The following DGKH variants were observed in gnomAD, a reference collection of about 807,000 sequenced individuals.
DGKH encodes the protein DAG kinase eta.
A neutral mutation model predicts 159.3 loss-of-function variants in DGKH; 90 were observed. That is an observed-to-expected ratio of 0.57 (90% CI 0.48 to 0.67). The LOEUF (loss-of-function observed/expected upper bound fraction) is 0.67. DGKH is among the 30% of genes least tolerant of loss of function. DGKH has a pLI of 0.00. For missense variants in DGKH, 1,181 were observed against 1,506.1 expected, an observed-to-expected ratio of 0.78 and a Z score of 3.57; for synonymous variants, 536 against 553.8, an observed-to-expected ratio of 0.97 and a Z score of 0.45.
chr13:42,083,235 A>G (rs1356562843), intron 1 of DGKH, among the ~76,000 whole-genome samples: 1 of 152,204 alleles, frequency 6.6e-6, no homozygotes, highest in Non-Finnish European at 1.5e-5. Context: ...AAACAAAAAC[A>G]CAAAAAAAGA....
intron 5 of DGKH, among the ~76,000 whole-genome samples, chr13:42,158,390 T>TA (rs776615487): frequency 3.3e-5 from 5 of 152,226 alleles, no homozygotes; most frequent in Non-Finnish European, 7.3e-5. Context: ...GCTGACCTAA[T>TA]ATCAGTATCC....
chr13:42,047,989 G>C (rs1269108872), upstream of DGKH, among the ~76,000 whole-genome samples: 1 of 148,808 alleles, frequency 6.7e-6, no homozygotes, highest in Non-Finnish European at 1.5e-5. Flanking sequence ...GAACCTCCCG[G>C]AAAATGCTCT....
At chr13:42,249,732 C>T (rs1186232250) in intron 29 of DGKH, among the ~76,000 whole-genome samples, 1 of 152,186 alleles carries the variant, frequency 6.6e-6, no homozygotes, top group Non-Finnish European at 1.5e-5. Context: ...TTTTTAAAAC[C>T]ACAGAGCTAG....
intron 1 of DGKH, chr13:42,071,148 A>G (rs1593984090): frequency 1.6e-6 from 1 of 642,642 alleles, no homozygotes; most frequent in East Asian, 3.0e-5. Context: ...TGTGTAAACA[A>G]GGAAGAAAAC....
intron 13 of DGKH, among the ~76,000 whole-genome samples, chr13:42,180,613 C>G (rs755083789): frequency 2.0e-5 from 3 of 152,202 alleles, no homozygotes; most frequent in Non-Finnish European, 2.9e-5. Flanking sequence ...GTCTAAGGCT[C>G]TGCTCCCAGC....
upstream of DGKH, chr13:42,048,603 G>T: frequency 6.0e-6 from 5 of 830,242 alleles, no homozygotes; most frequent in Non-Finnish European, 7.9e-6. The surrounding 1 kb of genome is among the most constrained non-coding windows in gnomAD (Gnocchi z 6.7). Flanking sequence ...ACCCCTGCCT[G>T]GAGGGCGCCT....
chr13:42,255,281 A>AT (rs1001207556), intron 30 of DGKH, among the ~76,000 whole-genome samples: 2 of 151,762 alleles, frequency 1.3e-5, no homozygotes, highest in African/African-American at 2.4e-5. Flanking sequence ...ATGAATGGAG[A>AT]TTTTTTTTAA....
chr13:42,170,942 C>CAAAA (rs5803114), intron 11 of DGKH, among the ~76,000 whole-genome samples: 23 of 136,070 alleles, frequency 1.7e-4, no homozygotes, highest in South Asian at 4.7e-4. Flanking sequence ...GACTCTGTCT[C>CAAAA]AAAAAAAAAA....
intron 10 of DGKH, 64 bp downstream of exon 10, chr13:42,168,612 G>A: frequency 2.5e-6 from 4 of 1,613,350 alleles, no homozygotes; most frequent in Admixed American, 3.3e-5. Flanking sequence ...TACCAGAGAG[G>A]TGCAGAAATG....
intron 1 of DGKH, among the ~76,000 whole-genome samples, chr13:42,101,356 C>T (rs999285072): frequency 6.6e-6 from 1 of 152,120 alleles, no homozygotes; most frequent in Non-Finnish European, 1.5e-5. Context: ...AGGAATAAAC[C>T]ATTTGATTTG....
intron 1 of DGKH, among the ~76,000 whole-genome samples, chr13:42,078,847 A>G (rs1332706170): frequency 6.6e-6 from 1 of 151,962 alleles, no homozygotes. Flanking sequence ...TTACTTTAAC[A>G]TACTGACAGA....
intron 1 of DGKH, among the ~76,000 whole-genome samples, chr13:42,125,590 T>C (rs1955154270): frequency 6.6e-6 from 1 of 152,208 alleles, no homozygotes; most frequent in African/African-American, 2.4e-5. Flanking sequence ...CTTTCAAAAG[T>C]GTTTTGTTAC....
intron 2 of DGKH, among the ~76,000 whole-genome samples, chr13:42,128,107 A>G (rs150877669): frequency 2.1e-3 from 315 of 152,348 alleles, no homozygotes; most frequent in Non-Finnish European, 3.5e-3. Flanking sequence ...ATTCAAAATA[A>G]TCACTCCAGT....
intron 26 of DGKH, among the ~76,000 whole-genome samples, chr13:42,217,463 G>A (rs923205103): frequency 6.6e-6 from 1 of 151,024 alleles, no homozygotes; most frequent in African/African-American, 2.4e-5. Flanking sequence ...GGCTGGTCTC[G>A]AACTCCTGAC....
chr13:42,246,418 C>G (rs1958580064), downstream of DGKH, among the ~76,000 whole-genome samples: 1 of 151,816 alleles, frequency 6.6e-6, no homozygotes, highest in African/African-American at 2.4e-5. Flanking sequence ...GAGGCCTCAT[C>G]TCTATTAAAA....
chr13:42,092,238 G>T (rs1351297205), intron 1 of DGKH, among the ~76,000 whole-genome samples: 1 of 152,114 alleles, frequency 6.6e-6, no homozygotes, highest in African/African-American at 2.4e-5. Context: ...TCCCACTGCT[G>T]GCTATATATC....
intron 12 of DGKH, among the ~76,000 whole-genome samples, chr13:42,174,674 G>A (rs529164052): frequency 1.9e-4 from 29 of 152,240 alleles, no homozygotes; most frequent in African/African-American, 5.8e-4. Flanking sequence ...TGCAATTTCT[G>A]TCTTACTGCT....
At chr13:42,207,693 G>GTA (rs368253963) in intron 21 of DGKH, among the ~76,000 whole-genome samples, 1,637 of 126,492 alleles carry the variant, frequency 0.013, 36 homozygotes, top group African/African-American at 0.036. Context: ...TTATTAAAGT[G>GTA]TGTATATATA....
intron 14 of DGKH, 145 bp downstream of exon 14, chr13:42,187,293 T>G: frequency 1.5e-6 from 1 of 664,958 alleles, no homozygotes; most frequent in Non-Finnish European, 2.6e-6. Context: ...GATCTGAGAA[T>G]TTTAAAAAAT....
Sources: gnomAD v4.1 joint callset for allele counts (sites outside exome capture counted in the v4.1 genomes callset) on GRCh38, gnomAD v4.1.1 for gene constraint, Gnocchi (gnomAD v3.1) non-coding constraint, MANE v1.5 for transcripts, NCBI Gene and HGNC (gene_info 2026-07-23, HGNC 2026-07-21) for gene names.